The following NT5DC1 variants were observed in gnomAD, a reference collection of about 807,000 sequenced individuals.
NT5DC1 encodes the protein 5'-nucleotidase domain-containing protein 1.
A neutral mutation model predicts 59.4 loss-of-function variants in NT5DC1; 42 were observed. The observed-to-expected ratio is 0.71, with a 90% CI of 0.55 to 0.92. The LOEUF is 0.92. Among genes scored for constraint, NT5DC1 ranks in the 40% least tolerant of loss-of-function variants. The pLI is 0.00. For missense variants in NT5DC1, 501 were observed against 537.1 expected (o/e 0.93, Z 0.66); for synonymous variants, 172 against 188.1 (o/e 0.91, Z 0.70).
At chr6:116,234,289 A>G (rs1210864492) in intron 8 of NT5DC1, among the ~76,000 whole-genome samples, 1 of 151,804 alleles carries the variant, frequency 6.6e-6, no homozygotes, top group Non-Finnish European at 1.5e-5. Context: ...TATACTTTTT[A>G]AAATGAATAT....
Position 116,115,865 on chromosome 6 carries a change from A to G in NT5DC1, c.444+95A>G, listed in dbSNP as rs556556136. 2.5e-5 allele frequency: 15 copies of G among 608,616 alleles called. No homozygotes were observed. In the East Asian group the frequency reaches 4.3e-4, roughly 18 times the overall value. The allele number at this position is 608,616 out of a possible 1,614,324, so 37.7% of individuals were successfully genotyped here. On this transcript the variant is annotated intron_variant, in intron 5 of 11. Transcript: ENST00000319550. ...TTGCTTCTGAGTTGTGATTTTGCTT[A>G]GTTTCTTCTTTGTGGTTTCAGAGCT...
intron 6 of NT5DC1, chr6:116,119,953 T>A: frequency 1.0e-6 from 1 of 974,494 alleles, no homozygotes; most frequent in Admixed American, 1.8e-5. Context: ...AGCTCAAATC[T>A]GTATTTCAGA....
intron 5 of NT5DC1, among the ~76,000 whole-genome samples, chr6:116,116,517 C>T (rs753747075): frequency 2.3e-4 from 35 of 152,122 alleles, no homozygotes; most frequent in Non-Finnish European, 1.8e-4. Flanking sequence ...TGGCGTGCAC[C>T]TGTAGTCCCA....
chr6:116,225,411 C>G (rs571427582), intron 8 of NT5DC1, among the ~76,000 whole-genome samples: 1 of 152,288 alleles, frequency 6.6e-6, no homozygotes, highest in African/African-American at 2.4e-5. Context: ...CAAGCCCTGA[C>G]ATTCTCTAAT....
At chr6:116,114,417 T>C (rs1329654623) in intron 4 of NT5DC1, among the ~76,000 whole-genome samples, 1 of 151,790 alleles carries the variant, frequency 6.6e-6, no homozygotes, top group Non-Finnish European at 1.5e-5. Context: ...TACTCATTCA[T>C]TCATTCAGCA....
intron 8 of NT5DC1, among the ~76,000 whole-genome samples, chr6:116,233,872 C>T (rs1782062295): frequency 6.6e-6 from 1 of 152,046 alleles, no homozygotes; most frequent in South Asian, 2.1e-4. Context: ...TGTTATTATC[C>T]CCATTTTAAA....
intron 4 of NT5DC1, among the ~76,000 whole-genome samples, chr6:116,111,210 T>C (rs1778869443): frequency 6.6e-6 from 1 of 152,260 alleles, no homozygotes; most frequent in Non-Finnish European, 1.5e-5. Flanking sequence ...GTTTAAAGAT[T>C]AGCACTTAGG....
rs189150466 is a variant in NT5DC1 at position 116,247,077 on chromosome 6, A to G, written c.*3053A>G. On this transcript the variant is annotated 3_prime_UTR_variant, in exon 12 of 12. Transcript: ENST00000319550. ...TACACTGTTAGTAAGAGAGCAATAC[A>G]TGAACCCAAGTTTGATCCTCAAAAT... 2.0e-5 allele frequency: 3 copies of G among 152,186 alleles called. No homozygotes were observed. The highest frequency in any genetic ancestry group is 2.9e-5 in the Non-Finnish European group (2 of 68,008). 9.4% of individuals were successfully genotyped at this position (152,186 alleles called of 1,614,324 possible).
intron 6 of NT5DC1, among the ~76,000 whole-genome samples, chr6:116,131,533 T>C (rs1193414041): frequency 6.6e-6 from 1 of 152,220 alleles, no homozygotes; most frequent in African/African-American, 2.4e-5. Context: ...TGGAGATCAT[T>C]GCAGAACATT....
At chr6:116,207,045 T>G (rs889860504) in intron 6 of NT5DC1, among the ~76,000 whole-genome samples, 1 of 152,024 alleles carries the variant, frequency 6.6e-6, no homozygotes, top group Non-Finnish European at 1.5e-5. Context: ...ATATGCTTTC[T>G]TAACAAACTT....
At chr6:116,162,116 G>A (rs1780349071) in intron 6 of NT5DC1, among the ~76,000 whole-genome samples, 1 of 152,144 alleles carries the variant, frequency 6.6e-6, no homozygotes, top group South Asian at 2.1e-4. Flanking sequence ...TGATTATGGT[G>A]TGTTAATTTT....
At chr6:116,219,829 G>A (rs1781759132) in intron 6 of NT5DC1, among the ~76,000 whole-genome samples, 1 of 151,864 alleles carries the variant, frequency 6.6e-6, no homozygotes, top group South Asian at 2.1e-4. Flanking sequence ...GGGCGTGGTG[G>A]CACACGCCTG....
chr6:116,229,271 C>T (rs766572710), intron 8 of NT5DC1, among the ~76,000 whole-genome samples: 2 of 152,122 alleles, frequency 1.3e-5, no homozygotes, highest in African/African-American at 2.4e-5. Context: ...CAGGTTTGTC[C>T]TCACTACATT....
intron 11 of NT5DC1, among the ~76,000 whole-genome samples, chr6:116,239,541 G>T (rs984220656): frequency 3.9e-5 from 6 of 152,106 alleles, no homozygotes; most frequent in Admixed American, 6.5e-5. Context: ...AAGGAGGGTG[G>T]GTCTGGTGAA....
intron 6 of NT5DC1, among the ~76,000 whole-genome samples, chr6:116,196,458 T>C (rs1476193363): frequency 3.3e-5 from 5 of 152,164 alleles, no homozygotes; most frequent in African/African-American, 1.2e-4. Context: ...AAATCAACCA[T>C]TATTAGTGAT....
chr6:116,198,097 G>C (rs1028900667), intron 6 of NT5DC1, among the ~76,000 whole-genome samples: 11 of 151,992 alleles, frequency 7.2e-5, no homozygotes, highest in Admixed American at 4.6e-4. Flanking sequence ...GTAAATAAAA[G>C]GGTTATTTCT....
At chr6:116,128,987 C>T (rs375139655) in intron 6 of NT5DC1, among the ~76,000 whole-genome samples, 1 of 152,278 alleles carries the variant, frequency 6.6e-6, no homozygotes, top group East Asian at 1.9e-4. Context: ...ATATGCCTGT[C>T]ATTCAAACTG....
chr6:116,152,738 T>G (rs1449456995), intron 6 of NT5DC1, among the ~76,000 whole-genome samples: 1 of 152,184 alleles, frequency 6.6e-6, no homozygotes, highest in African/African-American at 2.4e-5. Context: ...GTTAGAATGT[T>G]CCATACTTAG....
At chr6:116,215,127 C>G (rs141190376) in intron 6 of NT5DC1, among the ~76,000 whole-genome samples, 2 of 152,060 alleles carry the variant, frequency 1.3e-5, no homozygotes, top group Non-Finnish European at 2.9e-5. Context: ...GAACATTGTA[C>G]TGATATTAAT....
Sources: gnomAD v4.1 joint callset for allele counts (sites outside exome capture counted in the v4.1 genomes callset) on GRCh38, gnomAD v4.1.1 for gene constraint, MANE v1.5 for transcripts, NCBI Gene and HGNC (gene_info 2026-07-23, HGNC 2026-07-21) for gene names.